GPC5: variants seen among roughly 807,000 people sequenced by gnomAD.
The protein encoded by GPC5 is glypican-5.
Under a neutral mutation model 53.9 loss-of-function variants are expected in GPC5, and 47 were observed. The ratio of observed to expected loss-of-function variants is 0.87; its 90% CI spans 0.69 to 1.11. The LOEUF (loss-of-function observed/expected upper bound fraction) is 1.11, where lower values mean the gene tolerates loss of function less well. GPC5 is among the 50% of genes most tolerant of loss of function. The pLI, the probability that GPC5 is intolerant of heterozygous loss-of-function variation, is 0.00. For missense variants in GPC5, 748 were observed against 713.1 expected, an observed-to-expected ratio of 1.05 and a Z score of -0.56; for synonymous variants, 286 against 263.3, an observed-to-expected ratio of 1.09 and a Z score of -0.84.
chr13:92,117,478 C>A (rs955428159), intron 6 of GPC5, among the ~76,000 whole-genome samples: 1 of 152,016 alleles, frequency 6.6e-6, no homozygotes, highest in Non-Finnish European at 1.5e-5. Context: ...TCTGCCTTGC[C>A]CTACACATTT....
intron 7 of GPC5, among the ~76,000 whole-genome samples, chr13:92,692,304 C>G (rs1227312024): frequency 6.6e-6 from 1 of 152,126 alleles, no homozygotes; most frequent in Admixed American, 6.5e-5. Flanking sequence ...GATTCCCTTT[C>G]TTTGCTATTG....
intron 5 of GPC5, among the ~76,000 whole-genome samples, chr13:91,770,704 T>TGTGTGTGTG (rs2037607543): frequency 2.2e-3 from 319 of 145,652 alleles, no homozygotes; most frequent in East Asian, 0.016. Flanking sequence ...GACTGTGTGT[T>TGTGTGTGTG]TGTGTGTGTG....
intron 5 of GPC5, among the ~76,000 whole-genome samples, chr13:91,882,626 T>G (rs1594638532): frequency 1.3e-5 from 2 of 151,146 alleles, no homozygotes; most frequent in Admixed American, 1.3e-4. Context: ...AGTTTGATTT[T>G]TTTTTTCTTT....
rs565926999 is a variant in GPC5, at chr13:91,855,225, C to T, written c.1281-52712C>T. The stretch of plus-strand genomic sequence containing the variant: ...GGTGAGTTTTAACATGCTTTTCTAA[C>T]TAGCTCCTAGTAACCATGGAATGAA... On this transcript the variant is annotated intron_variant, in intron 5 of 7. Coordinates refer to ENST00000377067, the MANE Select transcript of GPC5 (RefSeq NM_004466.6). Among the ~76,000 whole-genome samples the T allele has an allele frequency of 2.0e-5, 3 of 151,816 alleles. No homozygotes were observed. In the East Asian group the frequency reaches 5.8e-4, roughly 29 times the overall value.
chr13:92,057,899 G>GAA (rs113805804), intron 6 of GPC5, among the ~76,000 whole-genome samples: 1 of 148,410 alleles, frequency 6.7e-6, no homozygotes, highest in South Asian at 2.1e-4. Flanking sequence ...GAGGAAAAGA[G>GAA]AAAAAAAAAA....
chr13:91,728,640 G>A lies in GPC5; in HGVS notation c.1129G>A (p.Glu377Lys). 6.2e-7 allele frequency: 1 copy of A among 1,612,086 alleles called. No individual in the cohort carries two copies. Among genetic ancestry groups the A allele is most frequent in the Non-Finnish European group, 8.5e-7 (1 of 1,178,862 alleles). The part of the protein sequence containing the change: ...HGMKTTTRNS[E>K]ETLANRRKEF... ...AATGAAGACCACCACAAGGAACAGT[G>A]AAGAGACGCTTGCCAACAGAAGAAA... The change falls in exon 4 of 8, where the codon GAA becomes AAA. Residue 377 changes from glutamate (E) to lysine (K), a missense_variant. By Grantham distance (56) the Glu-to-Lys change is moderately conservative. Transcript: ENST00000377067.
chr13:91,672,267 A>G (rs1202955437), intron 2 of GPC5, among the ~76,000 whole-genome samples: 3 of 152,228 alleles, frequency 2.0e-5, no homozygotes, highest in African/African-American at 7.2e-5. Context: ...GAGCTTCTGC[A>G]TAGCAAAAGA....
chr13:92,814,833 C>T (rs1375930433), intron 7 of GPC5, among the ~76,000 whole-genome samples: 1 of 151,894 alleles, frequency 6.6e-6, no homozygotes, highest in Non-Finnish European at 1.5e-5. Context: ...TAAACATGTA[C>T]ATTTAAATTT....
intron 6 of GPC5, among the ~76,000 whole-genome samples, chr13:92,030,335 C>T (rs1036405037): frequency 6.6e-6 from 1 of 152,100 alleles, no homozygotes; most frequent in Non-Finnish European, 1.5e-5. Flanking sequence ...CTGTTAAGTT[C>T]TGTTATGTTC....
At chr13:92,210,922 AT>A (rs1242769958) in intron 7 of GPC5, among the ~76,000 whole-genome samples, 2 of 152,134 alleles carry the variant, frequency 1.3e-5, no homozygotes, top group African/African-American at 4.8e-5. Flanking sequence ...TTTAGATTTC[AT>A]TTCCTTCTAT....
intron 7 of GPC5, among the ~76,000 whole-genome samples, chr13:92,149,021 AAT>A (rs2041888373): frequency 6.6e-6 from 1 of 152,090 alleles, no homozygotes; most frequent in Non-Finnish European, 1.5e-5. Context: ...AGTAATACAT[AAT>A]CCATGATCAA....
At chr13:92,172,638 TTTAAC>T (rs2042078692) in intron 7 of GPC5, among the ~76,000 whole-genome samples, 3 of 152,186 alleles carry the variant, frequency 2.0e-5, no homozygotes, top group African/African-American at 7.2e-5. Context: ...GCTTCTTTCA[TTTAAC>T]TTATGTGTCA....
intron 2 of GPC5, among the ~76,000 whole-genome samples, chr13:91,536,851 G>T (rs534811108): frequency 6.6e-6 from 1 of 152,206 alleles, no homozygotes; most frequent in Non-Finnish European, 1.5e-5. Context: ...AAAATCATAT[G>T]CTCTCTGATC....
intron 2 of GPC5, among the ~76,000 whole-genome samples, chr13:91,457,210 C>T (rs1401290234): frequency 6.6e-6 from 1 of 151,772 alleles, no homozygotes; most frequent in Non-Finnish European, 1.5e-5. Flanking sequence ...GCATGGCTTA[C>T]CCTGTTAAAT....
chr13:91,450,454 G>A (rs533255489), intron 2 of GPC5, among the ~76,000 whole-genome samples: 101 of 151,784 alleles, frequency 6.7e-4, no homozygotes, highest in Non-Finnish European at 1.3e-3. Flanking sequence ...TTAAAAAGGT[G>A]GACTGGATTC....
At chr13:92,409,832 G>C (rs965068507) in intron 7 of GPC5, among the ~76,000 whole-genome samples, 1 of 152,122 alleles carries the variant, frequency 6.6e-6, no homozygotes, top group African/African-American at 2.4e-5. Flanking sequence ...ATACATTTAT[G>C]GTCCAGCTTT....
At chr13:91,777,291 T>C (rs1437691487) in intron 5 of GPC5, among the ~76,000 whole-genome samples, 1 of 152,256 alleles carries the variant, frequency 6.6e-6, no homozygotes, top group Non-Finnish European at 1.5e-5. Context: ...TCTTTGTTGA[T>C]TTCTTTCCCT....
intron 2 of GPC5, among the ~76,000 whole-genome samples, chr13:91,684,521 C>A (rs1202970254): frequency 6.6e-6 from 1 of 152,156 alleles, no homozygotes; most frequent in African/African-American, 2.4e-5. Context: ...CTATACATCT[C>A]CCTCCAAACA....
chr13:91,432,972 G>A (rs553000466), intron 1 of GPC5, among the ~76,000 whole-genome samples: 139 of 152,218 alleles, frequency 9.1e-4, no homozygotes, highest in African/African-American at 3.3e-3. Flanking sequence ...AGGAAAGGAG[G>A]CTAACACTTT....
Sources: allele counts gnomAD v4.1 joint callset (sites outside exome capture counted in the v4.1 genomes callset), GRCh38; gene constraint gnomAD v4.1.1; transcripts MANE v1.5; gene names NCBI Gene and HGNC (gene_info 2026-07-23, HGNC 2026-07-21).